The following IKZF1 variants were observed in gnomAD, a reference collection of about 807,000 sequenced individuals.
The protein encoded by IKZF1 is DNA-binding protein Ikaros.
In IKZF1, 10 loss-of-function variants were observed where a neutral mutation model predicts 51.7. The observed-to-expected ratio is 0.19, with a 90% CI of 0.12 to 0.33. The LOEUF (loss-of-function observed/expected upper bound fraction) is 0.33, where lower values mean the gene tolerates loss of function less well. IKZF1 is among the 10% of genes least tolerant of loss of function. IKZF1 has a pLI of 1.00. For missense variants in IKZF1, 484 were observed against 707.5 expected (o/e 0.68, Z 3.58); for synonymous variants, 280 against 282.3 (o/e 0.99, Z 0.08).
intron 3 of IKZF1, among the ~76,000 whole-genome samples, chr7:50,363,805 T>C (rs1371189926): frequency 6.6e-6 from 1 of 152,220 alleles, no homozygotes; most frequent in Admixed American, 6.5e-5. Flanking sequence ...AAGTGTGGCC[T>C]GTGGTGTTCT....
At chr7:50,307,017 C>T (rs1016220766) in intron 1 of IKZF1, among the ~76,000 whole-genome samples, 3 of 152,212 alleles carry the variant, frequency 2.0e-5, no homozygotes, top group South Asian at 4.1e-4. Flanking sequence ...ACAGCATGCA[C>T]ACAGCGTGGA....
At chr7:50,348,907 T>C (rs1801094858) in intron 3 of IKZF1, among the ~76,000 whole-genome samples, 1 of 152,212 alleles carries the variant, frequency 6.6e-6, no homozygotes, top group African/African-American at 2.4e-5. Flanking sequence ...TGGGCAGGCA[T>C]GGCCCTTTCT....
At chr7:50,384,013 G>A (rs529816252) in intron 5 of IKZF1, among the ~76,000 whole-genome samples, 1 of 152,368 alleles carries the variant, frequency 6.6e-6, no homozygotes, top group South Asian at 2.1e-4. Flanking sequence ...TGTGTTACAG[G>A]AGGCATGACA....
intron 3 of IKZF1, among the ~76,000 whole-genome samples, chr7:50,342,841 G>GCT (rs1347645757): frequency 3.3e-5 from 5 of 152,192 alleles, no homozygotes; most frequent in African/African-American, 1.2e-4. Context: ...GCTAACCGCT[G>GCT]CTCTTCCTGC....
In IKZF1 at chr7:50,320,587, C is replaced by T. The variant is rs533477832; in HGVS notation, c.40+1486C>T. On this transcript the variant is annotated intron_variant, in intron 2 of 7. Transcript: ENST00000331340. ...CAAATCTCTCCCTATCTTCCACTCC[C>T]CCGACCTTTCCAGCCTCTATTAGCC... Among the ~76,000 whole-genome samples the T allele has an allele frequency of 2.6e-5, 4 of 152,298 alleles. No individual in the cohort carries two copies. The South Asian group carries it at 8.3e-4, about 32-fold the overall frequency.
intron 6 of IKZF1, chr7:50,388,549 A>G (rs1225564253): frequency 2.0e-5 from 3 of 152,266 alleles, no homozygotes; most frequent in African/African-American, 7.2e-5. Flanking sequence ...TGGGGCTTAC[A>G]GGCGATTCCT....
intron 3 of IKZF1, among the ~76,000 whole-genome samples, chr7:50,329,608 A>G (rs1795972923): frequency 6.6e-6 from 1 of 152,234 alleles, no homozygotes; most frequent in Non-Finnish European, 1.5e-5. Flanking sequence ...AAAGTGGCAC[A>G]GGAATAGTCA....
intron 3 of IKZF1, among the ~76,000 whole-genome samples, chr7:50,360,537 C>T (rs1804888676): frequency 1.3e-5 from 2 of 152,214 alleles, no homozygotes; most frequent in Admixed American, 6.5e-5. Flanking sequence ...TTCCTTCAGT[C>T]TTTAGTCCTT....
chr7:50,315,870 G>C (rs984922398), intron 1 of IKZF1, among the ~76,000 whole-genome samples: 1 of 152,168 alleles, frequency 6.6e-6, no homozygotes, highest in Non-Finnish European at 1.5e-5. Flanking sequence ...TTCCATGTGG[G>C]AGAGGAGGGG....
intron 2 of IKZF1, among the ~76,000 whole-genome samples, chr7:50,320,082 A>C (rs1207961057): frequency 6.6e-6 from 1 of 152,148 alleles, no homozygotes; most frequent in East Asian, 1.9e-4. Flanking sequence ...TTCATGTTTC[A>C]GATTTTGGAC....
chr7:50,356,138 ATGTTT>A lies in IKZF1; in HGVS notation c.161-20393_161-20389del, dbSNP rs559253608. Among the ~76,000 whole-genome samples the A allele has an allele frequency of 2.0e-4, 31 of 152,354 alleles. No homozygotes were observed. The South Asian group carries it at 3.9e-3, about 19-fold the overall frequency. On this transcript the variant is annotated intron_variant, in intron 3 of 7. Transcript: ENST00000331340. ...TAAACGCATCTACCCCGATAGATTT[ATGTTT>A]TCTTTTCCATTAGTCCACTTTGCGT...
chr7:50,314,768 T>A (rs948315486), intron 1 of IKZF1, among the ~76,000 whole-genome samples: 4 of 152,212 alleles, frequency 2.6e-5, no homozygotes, highest in Non-Finnish European at 5.9e-5. Flanking sequence ...GCAGGTTCGG[T>A]GGAGCTCTGG....
chr7:50,351,727 T>C (rs1045937506), intron 3 of IKZF1, among the ~76,000 whole-genome samples: 1 of 152,240 alleles, frequency 6.6e-6, no homozygotes, highest in Non-Finnish European at 1.5e-5. Flanking sequence ...TGGCCAGTAT[T>C]ACCTTAATCC....
intron 1 of IKZF1, among the ~76,000 whole-genome samples, chr7:50,314,762 G>A (rs1461401013): frequency 6.6e-6 from 1 of 152,238 alleles, no homozygotes; most frequent in African/African-American, 2.4e-5. Flanking sequence ...GCCCCAGCAG[G>A]TTCGGTGGAG....
chr7:50,373,684 A>G (rs2153463042), intron 3 of IKZF1, among the ~76,000 whole-genome samples: 1 of 152,376 alleles, frequency 6.6e-6, no homozygotes, highest in South Asian at 2.1e-4. Flanking sequence ...ATTAAGGAGT[A>G]CACAGATCTT....
At chr7:50,327,586 C>A in intron 2 of IKZF1, 52 bp from the exon 3 acceptor site, 1 of 1,534,488 alleles carries the variant, frequency 6.5e-7, no homozygotes, top group South Asian at 1.2e-5. Flanking sequence ...GGGGGAAGCC[C>A]AGGCACCTTG....
At chr7:50,318,994 C>G in intron 1 of IKZF1, 54 bp from the exon 2 acceptor site, 1 of 1,113,522 alleles carries the variant, frequency 9.0e-7, no homozygotes, top group East Asian at 2.4e-5. Context: ...CTCTCTTTCT[C>G]ATATCTTATT....
chr7:50,396,687 AT>A (rs1335413213), intron 7 of IKZF1, among the ~76,000 whole-genome samples: 3 of 151,454 alleles, frequency 2.0e-5, no homozygotes, highest in Admixed American at 6.6e-5. Context: ...TTCCCACTAT[AT>A]TTTTTTTTCC....
In IKZF1 at chr7:50,376,636, G is replaced by A. The variant is rs746327678; in HGVS notation, c.264G>A (p.Ser88=). ...CAEDLRMLDA[S]GEKMNGSHRD... The stretch of plus-strand genomic sequence containing the variant: ...AGGATTTACGAATGCTTGATGCCTC[G>A]GGAGAGAAAATGAATGGCTCCCACA... Residue 88 remains serine (S), a synonymous_variant, in exon 4 of 8, where the codon TCG becomes TCA. Transcript: ENST00000331340. This position sits in a 1 kb window ranked among gnomAD's most constrained non-coding sequence, Gnocchi z 4.5. 23 of 1,613,836 alleles carry A rather than the reference G, an allele frequency of 1.4e-5. No homozygotes were observed. In the East Asian group the frequency reaches 2.0e-4, roughly 14 times the overall value.
Sources: allele counts gnomAD v4.1 joint callset (sites outside exome capture counted in the v4.1 genomes callset), GRCh38; gene constraint gnomAD v4.1.1; non-coding constraint Gnocchi (gnomAD v3.1); transcripts MANE v1.5; gene names NCBI Gene and HGNC (gene_info 2026-07-23, HGNC 2026-07-21).